The following SNX29 variants were observed in gnomAD, a reference collection of about 807,000 sequenced individuals.
SNX29 encodes the protein sorting nexin 29, also known as sorting nexin-29.
In SNX29, 78 loss-of-function variants were observed where a neutral mutation model predicts 102.1. That is an observed-to-expected ratio of 0.76 (90% confidence interval 0.64 to 0.92). SNX29 has a LOEUF of 0.92. Among genes scored for constraint, SNX29 ranks in the 40% least tolerant of loss-of-function variants. SNX29 has a pLI of 0.00. For missense variants in SNX29, 1,280 were observed against 1,061.7 expected (o/e 1.21, Z -2.86); for synonymous variants, 580 against 414.5 (o/e 1.40, Z -4.85).
chr16:12,549,530 C>CATATACCCAGT (rs57031725), intron 20 of SNX29, among the ~76,000 whole-genome samples: 2 of 151,736 alleles, frequency 1.3e-5, no homozygotes, highest in African/African-American at 4.8e-5. Flanking sequence ...TCCTCTATCT[C>CATATACCCAGT]AAATAGCCAG....
intron 13 of SNX29, among the ~76,000 whole-genome samples, chr16:12,166,479 G>C (rs2056028313): frequency 6.6e-6 from 1 of 152,240 alleles, no homozygotes; most frequent in Non-Finnish European, 1.5e-5. Context: ...TGGAGGAGCT[G>C]GCGAGCAGGA....
At chr16:12,198,188 T>C (rs2076825968) in intron 13 of SNX29, among the ~76,000 whole-genome samples, 3 of 152,174 alleles carry the variant, frequency 2.0e-5, no homozygotes, top group Admixed American at 2.0e-4. Context: ...GAAAGGTATA[T>C]ACTAGGTTTT....
In SNX29 at chr16:12,379,853, G is replaced by C. The variant is rs183680744; in HGVS notation, c.1900-18593G>C. On this transcript the variant is annotated intron_variant, in intron 16 of 20. Transcript: ENST00000566228. ...AGTGGGGCCTGCCCAGCAGTGATGA[G>C]ACTGTTGTTTAGCTGCTGATGGGAG... Among the ~76,000 whole-genome samples the C allele has an allele frequency of 7.1e-4, 108 of 152,288 alleles. 3 individuals carry two copies. The highest frequency in any genetic ancestry group is 7.0e-3 in the Admixed American group (107 of 15,290).
intron 15 of SNX29, among the ~76,000 whole-genome samples, chr16:12,337,490 T>C (rs1165419063): frequency 2.0e-5 from 3 of 151,980 alleles, no homozygotes; most frequent in Non-Finnish European, 4.4e-5. Flanking sequence ...TACAGGCACG[T>C]ACCATCATGC....
At chr16:12,384,519 T>C (rs2083282411) in intron 16 of SNX29, among the ~76,000 whole-genome samples, 2 of 152,270 alleles carry the variant, frequency 1.3e-5, no homozygotes, top group African/African-American at 4.8e-5. Flanking sequence ...TGTCTACTTT[T>C]GAGAAATGTC....
At chr16:12,317,163 G>A (rs144412944) in intron 15 of SNX29, among the ~76,000 whole-genome samples, 2 of 152,248 alleles carry the variant, frequency 1.3e-5, no homozygotes, top group African/African-American at 4.8e-5. Flanking sequence ...AGGGAGTGGC[G>A]GACTGTCTTT....
chr16:12,429,642 C>T (rs533065008), intron 18 of SNX29, among the ~76,000 whole-genome samples: 4 of 152,362 alleles, frequency 2.6e-5, no homozygotes, highest in South Asian at 4.1e-4. Context: ...CCATCTCTTG[C>T]GGTGCACAGT....
At chr16:12,049,872 C>T (rs1043563941) in intron 7 of SNX29, among the ~76,000 whole-genome samples, 1 of 152,178 alleles carries the variant, frequency 6.6e-6, no homozygotes. Context: ...CTGCCTTGGC[C>T]TCCCAAAGTG....
At chr16:12,217,949 G>A (rs568996383) in intron 14 of SNX29, among the ~76,000 whole-genome samples, 1 of 152,272 alleles carries the variant, frequency 6.6e-6, no homozygotes, top group Non-Finnish European at 1.5e-5. Context: ...TCCTCATTGG[G>A]AGACAATAAA....
intron 14 of SNX29, among the ~76,000 whole-genome samples, chr16:12,273,342 G>T (rs79840868): frequency 5.0e-4 from 72 of 145,102 alleles, no homozygotes; most frequent in Admixed American, 1.3e-3. Context: ...TTTGTTTTTT[G>T]TTTTTTTTTT....
intron 18 of SNX29, among the ~76,000 whole-genome samples, chr16:12,434,533 A>G (rs1314944079): frequency 6.6e-6 from 1 of 152,114 alleles, no homozygotes; most frequent in Non-Finnish European, 1.5e-5. Flanking sequence ...CGGGGGTAAT[A>G]TGTATCTAAA....
chr16:12,108,787 T>A (rs2053376068), intron 11 of SNX29, among the ~76,000 whole-genome samples: 1 of 152,124 alleles, frequency 6.6e-6, no homozygotes, highest in South Asian at 2.1e-4. Context: ...TGTCCCTGTC[T>A]TGTTCGTTTT....
chr16:12,426,350 C>G (rs551392884), intron 18 of SNX29, among the ~76,000 whole-genome samples: 6 of 152,278 alleles, frequency 3.9e-5, no homozygotes, highest in African/African-American at 1.4e-4. Flanking sequence ...GGGTAAGAGA[C>G]AGTGGCAGGC....
Position 12,415,228 on chromosome 16 carries a change from T to C in SNX29, c.2037+11699T>C, listed in dbSNP as rs532664953. Among the ~76,000 whole-genome samples, 5 of 152,350 alleles carry C rather than the reference T, an allele frequency of 3.3e-5. No homozygotes were observed. In the East Asian group the frequency reaches 9.6e-4, roughly 29 times the overall value. The stretch of plus-strand genomic sequence containing the variant: ...CACTGTCTGCAGGTTGGAAGTCCTT[T>C]CTGCAAGGTATAAGCGCTGTACAAG... On this transcript the variant is annotated intron_variant, in intron 18 of 20. Transcript: ENST00000566228.
At chr16:12,542,791 A>C (rs1004130777) in intron 20 of SNX29, among the ~76,000 whole-genome samples, 1 of 152,046 alleles carries the variant, frequency 6.6e-6, no homozygotes, top group Non-Finnish European at 1.5e-5. Context: ...GTATTAGTTA[A>C]ATCAGCAAGT....
At chr16:12,116,432 G>A (rs1053878189) in intron 11 of SNX29, among the ~76,000 whole-genome samples, 4 of 152,254 alleles carry the variant, frequency 2.6e-5, no homozygotes, top group Non-Finnish European at 4.4e-5. Flanking sequence ...ACCACTTTGG[G>A]AGGCCAAGGC....
chr16:12,144,495 G>T (rs1012246341), intron 13 of SNX29, among the ~76,000 whole-genome samples: 2 of 152,138 alleles, frequency 1.3e-5, no homozygotes, highest in African/African-American at 4.8e-5. Context: ...CCCCATGGAG[G>T]GGAGGTGCGA....
rs116347764 is a variant in SNX29, at chr16:12,456,467, G to A, written c.2038-21252G>A. ...GAGAATGATGGTAGAGGATAGTTTT[G>A]GGGTGGGGTAAGGGTGTATACTGGG... On this transcript the variant is annotated intron_variant, in intron 18 of 20. Transcript: ENST00000566228. Among the ~76,000 whole-genome samples, 1,369 of 152,174 alleles carry A rather than the reference G, an allele frequency of 9.0e-3. 27 individuals are homozygous for A. Among genetic ancestry groups the A allele is most frequent in the African/African-American group, 0.031 (1,301 of 41,514 alleles).
chr16:12,403,608 CTT>C, intron 18 of SNX29, 79 bp downstream of exon 18: 2 of 1,379,294 alleles, frequency 1.5e-6, no homozygotes, highest in Non-Finnish European at 2.0e-6. Context: ...CTTTTTGCCT[CTT>C]GGTGGTGGGG....
Sources: allele counts gnomAD v4.1 joint callset (sites outside exome capture counted in the v4.1 genomes callset), GRCh38; gene constraint gnomAD v4.1.1; transcripts MANE v1.5; gene names NCBI Gene and HGNC (gene_info 2026-07-23, HGNC 2026-07-21).